The following SEPTIN10 variants were observed in gnomAD, a reference collection of about 807,000 sequenced individuals.
The protein encoded by SEPTIN10 is septin 10.
In SEPTIN10, 66 loss-of-function variants were observed where a neutral mutation model predicts 54.8. That is an observed-to-expected ratio of 1.21 (90% CI 0.99 to 1.48). The LOEUF (loss-of-function observed/expected upper bound fraction) is 1.48, where lower values mean the gene tolerates loss of function less well. SEPTIN10 is among the 40% of genes most tolerant of loss of function. The pLI, the probability that SEPTIN10 is intolerant of heterozygous loss-of-function variation, is 0.00. For missense variants in SEPTIN10, 620 were observed against 545.6 expected (o/e 1.14, Z -1.36); for synonymous variants, 161 against 181.0 (o/e 0.89, Z 0.89).
At chr2:109,582,661 A>G (rs1691484728) in intron 4 of SEPTIN10, among the ~76,000 whole-genome samples, 1 of 152,192 alleles carries the variant, frequency 6.6e-6, no homozygotes, top group Admixed American at 6.5e-5. Flanking sequence ...CATTTTTCAC[A>G]GAATTAGAAA....
intron 8 of SEPTIN10, among the ~76,000 whole-genome samples, chr2:109,562,993 C>T (rs774795158): frequency 4.0e-5 from 6 of 151,840 alleles, no homozygotes; most frequent in Admixed American, 1.3e-4. Flanking sequence ...TCACTGTAAA[C>T]TCTGCCTCCC....
In SEPTIN10 at chr2:109,543,259, C is replaced by CAGAG. The variant is rs1553412965; in HGVS notation, c.*1046_*1049dup. On this transcript the variant is annotated 3_prime_UTR_variant, in exon 11 of 11. Transcript: ENST00000397712. ...ACCTTATTATTTTTACCCTGGAAGA[C>CAGAG]AGAGTTTAAACAAGTATGTAATGAA... The CAGAG allele has an allele frequency of 6.6e-6, 1 of 152,426 alleles. No individual in the cohort carries two copies. The highest frequency in any genetic ancestry group is 1.5e-5 in the Non-Finnish European group (1 of 67,986). The allele number at this position is 152,426 out of a possible 1,614,324, so 9.4% of individuals were successfully genotyped here. A position where few individuals can be genotyped will look rare whatever the true frequency, so the allele number is the denominator to read the frequency against.
chr2:109,579,607 TC>T (rs1690603803), intron 4 of SEPTIN10, among the ~76,000 whole-genome samples: 1 of 151,266 alleles, frequency 6.6e-6, no homozygotes. Context: ...GGTCTCAAAC[TC>T]CTGACCTCAG....
chr2:109,611,991 A>G (rs28812293), intron 1 of SEPTIN10, among the ~76,000 whole-genome samples: 139,141 of 152,210 alleles, frequency 0.91, 63,750 homozygotes, highest in Middle Eastern at 0.97. Context: ...ATCTATCCCA[A>G]AGAACTGAAG....
chr2:109,585,061 G>A, intron 4 of SEPTIN10, 65 bp downstream of exon 4: 1 of 885,888 alleles, frequency 1.1e-6, no homozygotes, highest in East Asian at 2.7e-5. Flanking sequence ...CATAGTTCAT[G>A]GGGCTATAAG....
intron 2 of SEPTIN10, among the ~76,000 whole-genome samples, chr2:109,587,728 A>G (rs1042053267): frequency 6.6e-6 from 1 of 152,116 alleles, no homozygotes; most frequent in African/African-American, 2.4e-5. Context: ...CCTGGCTAAC[A>G]CGGTGAAACC....
At chr2:109,600,699 C>A (rs1696420964) in intron 1 of SEPTIN10, among the ~76,000 whole-genome samples, 1 of 152,132 alleles carries the variant, frequency 6.6e-6, no homozygotes, top group Non-Finnish European at 1.5e-5. Flanking sequence ...GACTTCTCTA[C>A]TTGGCAATAG....
At chr2:109,552,891 A>G (rs1337678500) in intron 9 of SEPTIN10, 196 bp downstream of exon 9, 3 of 616,116 alleles carry the variant, frequency 4.9e-6, no homozygotes, top group Non-Finnish European at 8.0e-6. Flanking sequence ...GCTTTAAAAA[A>G]AAAGAAGGCC....
At chr2:109,602,848 T>C (rs190646680) in intron 1 of SEPTIN10, among the ~76,000 whole-genome samples, 96 of 133,032 alleles carry the variant, frequency 7.2e-4, no homozygotes, top group Middle Eastern at 4.3e-3. Flanking sequence ...GGAAGAGAAA[T>C]AGATACCCAT....
At chr2:109,613,080 G>C (rs763727649) in intron 1 of SEPTIN10, 1 of 692,270 alleles carries the variant, frequency 1.4e-6, no homozygotes, top group Admixed American at 2.3e-5. Flanking sequence ...ACAGGCATCG[G>C]GCCTCCAAAC....
At chr2:109,580,349 CAAA>C (rs3058505) in intron 4 of SEPTIN10, among the ~76,000 whole-genome samples, 105 of 135,912 alleles carry the variant, frequency 7.7e-4, no homozygotes, top group Middle Eastern at 3.7e-3. Flanking sequence ...CCATAAAATG[CAAA>C]AAAAAAAAAA....
chr2:109,612,037 G>A (rs539677360), intron 1 of SEPTIN10, among the ~76,000 whole-genome samples: 1 of 152,234 alleles, frequency 6.6e-6, no homozygotes, highest in Non-Finnish European at 1.5e-5. Context: ...GTACATGAAT[G>A]TTTATAGCAG....
rs1682749772 is a variant in SEPTIN10 at position 109,550,808 on chromosome 2, CCCTGTATTATAAGGCT to C, written c.1161+2263_1161+2278del. 2.6e-5 allele frequency among the ~76,000 whole-genome samples: 4 copies of C among 152,258 alleles called. No homozygotes were observed. The South Asian group carries it at 8.3e-4, about 32-fold the overall frequency. ...CCTCTGTGCAAACCCCTTCTTCGTA[CCCTGTATTATAAGGCT>C]CCTGTTCTCCTCATGTTCATGGTTG... On this transcript the variant is annotated intron_variant, in intron 9 of 10. Transcript: ENST00000397712.
chr2:109,592,361 A>C (rs936670623), intron 2 of SEPTIN10, among the ~76,000 whole-genome samples: 65 of 151,970 alleles, frequency 4.3e-4, no homozygotes, highest in African/African-American at 1.6e-3. Context: ...GCTACTTGGA[A>C]GGCTGAGGCA....
chr2:109,544,768 T>C, intron 10 of SEPTIN10: 1 of 819,358 alleles, frequency 1.2e-6, no homozygotes, highest in Non-Finnish European at 1.5e-6. Flanking sequence ...AATACAGCTT[T>C]TATACTATTT....
At chr2:109,550,858 C>T (rs1001208012) in intron 9 of SEPTIN10, among the ~76,000 whole-genome samples, 13 of 152,106 alleles carry the variant, frequency 8.5e-5, no homozygotes, top group African/African-American at 2.9e-4. Context: ...TGTAACGTAG[C>T]TGCATTTTTA....
At chr2:109,588,923 A>T (rs1039739826) in intron 2 of SEPTIN10, among the ~76,000 whole-genome samples, 3 of 152,026 alleles carry the variant, frequency 2.0e-5, no homozygotes, top group Non-Finnish European at 4.4e-5. Flanking sequence ...AGTCATAAAA[A>T]TTCTCTATTA....
intron 5 of SEPTIN10, among the ~76,000 whole-genome samples, chr2:109,568,297 C>A (rs1687555119): frequency 6.6e-6 from 1 of 152,018 alleles, no homozygotes. Context: ...GGCATGCCAA[C>A]CCTGACCCAG....
chr2:109,593,302 A>T (rs1440945625), intron 1 of SEPTIN10, among the ~76,000 whole-genome samples, 183 bp from the exon 2 acceptor site: 3 of 152,230 alleles, frequency 2.0e-5, no homozygotes, highest in African/African-American at 7.2e-5. Context: ...ATAGGTATCT[A>T]CATAAGTAAA....
Sources: allele counts gnomAD v4.1 joint callset (sites outside exome capture counted in the v4.1 genomes callset), GRCh38; gene constraint gnomAD v4.1.1; transcripts MANE v1.5; gene names NCBI Gene and HGNC (gene_info 2026-07-23, HGNC 2026-07-21).